Variants in ZNF534 observed in about 807,000 individuals in gnomAD.
The protein encoded by ZNF534 is zinc finger protein 534, also known as KRAB domain only 3.
Under a neutral mutation model 13.6 loss-of-function variants are expected in ZNF534, and 19 were observed. The observed-to-expected ratio is 1.40, with a 90% CI of 0.97 to 2.05. The LOEUF is 2.05. ZNF534 is among the 30% of genes most tolerant of loss of function. The pLI, the probability that ZNF534 is intolerant of heterozygous loss-of-function variation, is 0.00. For synonymous variants in ZNF534, 244 were observed against 273.8 expected (o/e 0.89, Z 1.07); for missense variants, 782 against 796.3 (o/e 0.98, Z 0.22).
downstream of ZNF534, among the ~76,000 whole-genome samples, chr19:52,445,627 A>C (rs1242518768): frequency 6.6e-6 from 1 of 152,140 alleles, no homozygotes; most frequent in Non-Finnish European, 1.5e-5. Context: ...CAGTTTGGGC[A>C]CTCACAGTAT....
chr19:52,443,274 G>T (rs1001159154), downstream of ZNF534, among the ~76,000 whole-genome samples: 3 of 152,100 alleles, frequency 2.0e-5, no homozygotes, highest in Admixed American at 6.5e-5. Flanking sequence ...TGTATTCTTT[G>T]AGCTTCTTAT....
rs1014938556 is a variant in ZNF534 at position 52,440,801 on chromosome 19, A to T, written c.*1355A>T. On this transcript the variant is annotated 3_prime_UTR_variant, in exon 5 of 5. Transcript: ENST00000433050. ...CTCAAAAAAAAAAAAAAGAATTCAT[A>T]CTGGAAGGAAGCGTTACAAATGTAA... is the stretch of plus-strand genomic sequence containing the variant. 6.6e-6 allele frequency among the ~76,000 whole-genome samples: 1 copy of T among 151,656 alleles called. No homozygotes were observed. The highest frequency in any genetic ancestry group is 2.1e-4 in the South Asian group (1 of 4,814).
rs2059163832 is a variant in ZNF534, at chr19:52,440,279, A to C, written c.*833A>C. Among the ~76,000 whole-genome samples the C allele has an allele frequency of 6.6e-6, 1 of 152,190 alleles. No individual in the cohort carries two copies. Among genetic ancestry groups the C allele is most frequent in the Non-Finnish European group, 1.5e-5 (1 of 68,034 alleles). ...ACTGGTGATTGACTTTAAACATATA[A>C]CAAGTGTGGCAACGTATTCACTTAA... is the stretch of plus-strand genomic sequence containing the variant. On this transcript the variant is annotated 3_prime_UTR_variant, in exon 5 of 5. Transcript: ENST00000433050.
At position 52,432,053 on chromosome 19, in the gene ZNF534, CATT is replaced by C. The variant is rs1436897570; in HGVS notation, c.15+567_15+569del. On this transcript the variant is annotated intron_variant, in intron 2 of 4. Transcript: ENST00000433050. ...ATAGTTTTTATAAATAGCATGTCAT[CATT>C]ATATATATATATATTTTTATCAGTT... is the stretch of plus-strand genomic sequence containing the variant. 4.0e-5 allele frequency among the ~76,000 whole-genome samples: 6 copies of C among 151,324 alleles called. 1 individual carries two copies. The East Asian group carries it at 9.7e-4, about 24-fold the overall frequency.
rs1231400055 is a variant in ZNF534, at chr19:52,435,138, G to A, written c.200G>A (p.Trp67Ter). Reference protein sequence around the residue: ...TSMLEQKRDPWTLQSEVKIIN... With the variant: ...TSMLEQKRDP Reference sequence around the variant, plus strand: ...ATGTTGGAGCAAAAGAGAGATCCCTGGACTCTGCAGAGTGAAGTGAAAATA... The same window carrying A: ...ATGTTGGAGCAAAAGAGAGATCCCTAGACTCTGCAGAGTGAAGTGAAAATA... Residue 67 changes from tryptophan to a stop codon, truncating the protein, a stop_gained, in exon 4 of 5, where the codon TGG (tryptophan) becomes TAG (stop). Coordinates refer to ENST00000433050, the MANE Select transcript of ZNF534 (RefSeq NM_001143938.3). LOFTEE classifies it high-confidence loss of function. 8.1e-6 allele frequency: 13 copies of A among 1,613,218 alleles called. No individual in the cohort carries two copies. The highest frequency in any genetic ancestry group is 6.6e-5 in the South Asian group (6 of 90,984).
intron 2 of ZNF534, 40 bp downstream of exon 2, chr19:52,431,529 C>A (rs2122653396): frequency 6.2e-7 from 1 of 1,613,220 alleles, no homozygotes; most frequent in Admixed American, 1.7e-5. Context: ...GTCTCTGTTT[C>A]TTCCTGAAAT....
chr19:52,439,095 T>C lies in ZNF534; in HGVS notation c.1635T>C (p.Thr545=). 1 of 1,594,810 alleles carries C rather than the reference T, an allele frequency of 6.3e-7. No homozygotes were observed. The highest frequency in any genetic ancestry group is 8.5e-7 in the Non-Finnish European group (1 of 1,170,042). ...TTGTGCGACATAGGAATGTTCATACTGGAGAAAAGCCTTACAGTTGTAATG... is the reference window on the plus strand; with the variant it reads ...TTGTGCGACATAGGAATGTTCATACCGGAGAAAAGCCTTACAGTTGTAATG... ...SHLVRHRNVH[T]GEKPYSCNEC... Residue 545 remains threonine, a synonymous_variant, in exon 5 of 5, where the codon ACT becomes ACC. Transcript: ENST00000433050.
chr19:52,447,469 GTTTTTC>G (rs1013908562), downstream of ZNF534, among the ~76,000 whole-genome samples: 30 of 151,976 alleles, frequency 2.0e-4, no homozygotes, highest in African/African-American at 6.0e-4. Context: ...TTTGTTTTTT[GTTTTTC>G]TTTTTGTTTT....
Position 52,440,894 on chromosome 19 carries a change from T to TA in ZNF534, c.*1450dup, listed in dbSNP as rs2059167987. ...TTCATTTTGTAATCCATAGTGGAGA[T>TA]AAGTCTTTTTTTTTTTTTTCCCCCG... On this transcript the variant is annotated 3_prime_UTR_variant, in exon 5 of 5. Transcript: ENST00000433050. Among the ~76,000 whole-genome samples, 1 of 151,358 alleles carries TA rather than the reference T, an allele frequency of 6.6e-6. No individual in the cohort carries two copies. Among genetic ancestry groups the TA allele is most frequent in the Admixed American group, 6.6e-5 (1 of 15,180 alleles).
rs371550309 is a variant in ZNF534 at position 52,431,113 on chromosome 19, A to G, written c.-67-295A>G. Among the ~76,000 whole-genome samples, 4 of 152,118 alleles carry G rather than the reference A, an allele frequency of 2.6e-5. No homozygotes were observed. In the East Asian group the frequency reaches 7.7e-4, roughly 29 times the overall value. On this transcript the variant is annotated intron_variant, in intron 1 of 4. Transcript: ENST00000433050. ...TGATCTGCCCACCTCGGCCTCCCAA[A>G]GTGCTAGGATTATAGGTGGGAGCCA...
chr19:52,435,195 AAGGTGTGAACAC>A lies in ZNF534; in HGVS notation c.263_271+3del. 6.2e-7 allele frequency: 1 copy of A among 1,612,108 alleles called. No individual in the cohort carries two copies. The highest frequency in any genetic ancestry group is 8.5e-7 in the Non-Finnish European group (1 of 1,178,962). On this transcript the variant is annotated inframe_deletion and splice_region_variant, in exon 4 of 5. Transcript: ENST00000433050. ...AATCCAGATGGCAGGGAGTGCATCAAAGGTGTGAACACAGGTGAGAGCTCAGGTGGGCAGAGT... is the reference window on the plus strand; with the variant it reads ...AATCCAGATGGCAGGGAGTGCATCAAAGGTGAGAGCTCAGGTGGGCAGAGT...
At chr19:52,449,116 A>G (rs891819303) in intron 4 of ZNF534, among the ~76,000 whole-genome samples, 36 of 152,112 alleles carry the variant, frequency 2.4e-4, no homozygotes, top group Admixed American at 1.4e-3. Context: ...TCTTTTCTGT[A>G]CGTGGTTTAT....
rs2059163849 is a variant in ZNF534 at position 52,440,289 on chromosome 19, C to A, written c.*843C>A. Among the ~76,000 whole-genome samples the A allele has an allele frequency of 2.0e-5, 3 of 152,138 alleles. No individual in the cohort carries two copies. ...GACTTTAAACATATAACAAGTGTGG[C>A]AACGTATTCACTTAAAATACACACC... On this transcript the variant is annotated 3_prime_UTR_variant, in exon 5 of 5. Transcript: ENST00000433050.
At position 52,451,098 on chromosome 19, in the gene ZNF534, T is replaced by C. The variant is rs1752982344; in HGVS notation, c.272-89T>C. 21 of 430,870 alleles carry C rather than the reference T, an allele frequency of 4.9e-5. No individual in the cohort carries two copies. In the South Asian group the frequency reaches 5.1e-4, roughly 11 times the overall value. 26.7% of individuals were successfully genotyped at this position (430,870 alleles called of 1,614,324 possible). On this transcript the variant is annotated intron_variant, in intron 4 of 4. Coordinates refer to the ZNF534 transcript ENST00000301085. ...GTATGATCATATACACAATATTAAT[T>C]TTTTCCCACCCATAAAGATGGGTAG...
exon 5 of ZNF534, chr19:52,451,778 T>C: frequency 1.4e-6 from 1 of 702,080 alleles, no homozygotes; most frequent in Non-Finnish European, 2.6e-6. Context: ...AATGTTGGTG[T>C]TGTACTCTTT....
intron 4 of ZNF534, among the ~76,000 whole-genome samples, chr19:52,449,972 G>C (rs1348648778): frequency 2.6e-5 from 4 of 152,054 alleles, no homozygotes; most frequent in African/African-American, 9.7e-5. Flanking sequence ...AGTGAGCCAA[G>C]ATCGCACCAC....
Position 52,441,481 on chromosome 19 carries a change from C to T in ZNF534, c.*2035C>T, listed in dbSNP as rs117708365. On this transcript the variant is annotated 3_prime_UTR_variant, in exon 5 of 5. Coordinates refer to ENST00000433050, the MANE Select transcript of ZNF534 (RefSeq NM_001143938.3). Reference sequence around the variant, plus strand: ...AGTGAGTCATGTTTGCAGTACTGCACTCCAGCCTGGGTGACAGAGTGAGAC... The same window carrying T: ...AGTGAGTCATGTTTGCAGTACTGCATTCCAGCCTGGGTGACAGAGTGAGAC... Among the ~76,000 whole-genome samples, 665 of 152,306 alleles carry T rather than the reference C, an allele frequency of 4.4e-3. 13 individuals carry two copies. The highest frequency in any genetic ancestry group is 2.4e-3 in the Non-Finnish European group (164 of 68,016).
rs772300259 is a variant in ZNF534, at chr19:52,438,723, G to A, written c.1263G>A (p.Thr421=). The A allele has an allele frequency of 5.7e-6, 9 of 1,589,792 alleles. No individual in the cohort carries two copies. Among genetic ancestry groups the A allele is most frequent in the African/African-American group, 2.7e-5 (2 of 73,980 alleles). ...KCNECGKAFR[T]CSDLTAHLLI... ...ATGAATGTGGCAAAGCATTTAGAACGTGTTCAGATCTCACTGCCCATCTTC... is the reference window on the plus strand; with the variant it reads ...ATGAATGTGGCAAAGCATTTAGAACATGTTCAGATCTCACTGCCCATCTTC... Residue 421 remains threonine, a synonymous_variant, in exon 5 of 5, where the codon ACG becomes ACA. Coordinates refer to ENST00000433050, the MANE Select transcript of ZNF534 (RefSeq NM_001143938.3).
chr19:52,431,411 T>A lies in ZNF534; in HGVS notation c.-64T>A, dbSNP rs1049468747. The A allele has an allele frequency of 6.8e-6, 11 of 1,606,416 alleles. No homozygotes were observed. The highest frequency in any genetic ancestry group is 8.5e-6 in the Non-Finnish European group (10 of 1,173,454). On this transcript the variant is annotated 5_prime_UTR_variant, in exon 2 of 5. Transcript: ENST00000433050. ...ACAGCATTATTTTTGATACTAGGATTCACTTTCAAAGAGACATATTATGCA... is the reference window on the plus strand; with the variant it reads ...ACAGCATTATTTTTGATACTAGGATACACTTTCAAAGAGACATATTATGCA...
Sources: allele counts gnomAD v4.1 joint callset (sites outside exome capture counted in the v4.1 genomes callset), GRCh38; gene constraint gnomAD v4.1.1; transcripts MANE v1.5; gene names NCBI Gene and HGNC (gene_info 2026-07-23, HGNC 2026-07-21).